The following IGFBPL1 variants were observed in gnomAD, a reference collection of about 807,000 sequenced individuals.
IGFBPL1 encodes insulin like growth factor binding protein like 1.
Under a neutral mutation model 23.9 loss-of-function variants are expected in IGFBPL1, and 20 were observed. That is an observed-to-expected ratio of 0.84 (90% CI 0.59 to 1.22). The LOEUF (loss-of-function observed/expected upper bound fraction) is 1.22, where lower values mean the gene tolerates loss of function less well. IGFBPL1 is among the 50% of genes most tolerant of loss of function. IGFBPL1 has a pLI of 0.00. For synonymous variants in IGFBPL1, 184 were observed against 171.8 expected, an observed-to-expected ratio of 1.07 and a Z score of -0.56; for missense variants, 436 against 379.3, an observed-to-expected ratio of 1.15 and a Z score of -1.24.
chr9:38,411,606 C>A, intron 3 of IGFBPL1, 57 bp from the exon 4 acceptor site: 1 of 1,437,422 alleles, frequency 7.0e-7, no homozygotes, highest in Non-Finnish European at 9.8e-7. Context: ...AAATGACTTC[C>A]TTAGTTAGTT....
At chr9:38,411,321 G>A (rs1311051711) in intron 4 of IGFBPL1, 70 bp downstream of exon 4, 1 of 1,339,576 alleles carries the variant, frequency 7.5e-7, no homozygotes, top group Admixed American at 2.3e-5. Context: ...TTTTTTTACA[G>A]GTCTTATAAG....
intron 1 of IGFBPL1, among the ~76,000 whole-genome samples, chr9:38,423,754 C>T (rs1300454128): frequency 6.6e-6 from 1 of 152,168 alleles, no homozygotes. Flanking sequence ...GCAGGCTCAC[C>T]AAAAATTCGA....
chr9:38,411,245 T>C, intron 4 of IGFBPL1, 146 bp downstream of exon 4: 2 of 647,280 alleles, frequency 3.1e-6, no homozygotes, highest in South Asian at 4.1e-5. Flanking sequence ...CTACTGCTCA[T>C]CTAAGTATGT....
chr9:38,421,613 T>G (rs1283880660), intron 1 of IGFBPL1, among the ~76,000 whole-genome samples: 1 of 152,170 alleles, frequency 6.6e-6, no homozygotes, highest in Non-Finnish European at 1.5e-5. Context: ...AGAACAGCCC[T>G]GCTCTGACTC....
intron 1 of IGFBPL1, among the ~76,000 whole-genome samples, chr9:38,422,707 A>G (rs758392273): frequency 6.6e-6 from 1 of 152,140 alleles, no homozygotes; most frequent in Non-Finnish European, 1.5e-5. Flanking sequence ...GGAACAGCCA[A>G]TGGTGACTTT....
chr9:38,422,317 A>G (rs1821691013), intron 1 of IGFBPL1, among the ~76,000 whole-genome samples: 1 of 152,188 alleles, frequency 6.6e-6, no homozygotes, highest in Non-Finnish European at 1.5e-5. Context: ...TAGGAAGAGA[A>G]TGCCACTCTG....
intron 1 of IGFBPL1, among the ~76,000 whole-genome samples, chr9:38,418,078 C>T (rs1020160174): frequency 1.3e-5 from 2 of 152,184 alleles, no homozygotes; most frequent in African/African-American, 4.8e-5. Flanking sequence ...TGAAACACCC[C>T]AAACATCACC....
rs1253436656 is a variant in IGFBPL1, at chr9:38,424,368, C to T, written c.57G>A (p.Leu19=). The change falls in exon 1 of 5, where the codon CTG becomes CTA. Residue 19 remains leucine (L), a synonymous_variant. Transcript: ENST00000377694. The stretch of plus-strand genomic sequence containing the variant: ...TCCCAAGGCTCGGGGACAGCGGCGG[C>T]AGCAGCGGCAGCAGCAGCAGAAGCA... ...PLLLLLLLPL[L]PPLSPSLGIR... The T allele has an allele frequency of 1.5e-6, 1 of 685,342 alleles. No individual in the cohort carries two copies. The highest frequency in any genetic ancestry group is 3.5e-5 in the East Asian group (1 of 28,216). 42.5% of individuals were successfully genotyped at this position (685,342 alleles called of 1,614,324 possible).
rs1310741657 is a variant in IGFBPL1 at position 38,408,146 on chromosome 9, G to A, written c.*1081C>T. On this transcript the variant is annotated 3_prime_UTR_variant, in exon 5 of 5. Coordinates refer to ENST00000377694, the MANE Select transcript of IGFBPL1 (RefSeq NM_001007563.3). The stretch of plus-strand genomic sequence containing the variant: ...ATGCTAGGCTAGGCCAAGCACAGTG[G>A]CTGATGCCTATAATCCCAGCACTTT... Among the ~76,000 whole-genome samples the A allele has an allele frequency of 5.3e-5, 8 of 150,212 alleles. No individual in the cohort carries two copies. The highest frequency in any genetic ancestry group is 8.9e-5 in the Non-Finnish European group (6 of 67,772).
chr9:38,423,279 A>G (rs2118330859), intron 1 of IGFBPL1, among the ~76,000 whole-genome samples: 1 of 152,316 alleles, frequency 6.6e-6, no homozygotes, highest in South Asian at 2.1e-4. Flanking sequence ...ATAAGTTTCT[A>G]AGTCCCTAGC....
intron 1 of IGFBPL1, among the ~76,000 whole-genome samples, chr9:38,415,817 G>A (rs989119110): frequency 2.6e-5 from 4 of 152,054 alleles, no homozygotes; most frequent in African/African-American, 9.7e-5. Context: ...TAGCCCCTGG[G>A]TGTCCCAGCA....
intron 1 of IGFBPL1, among the ~76,000 whole-genome samples, chr9:38,418,971 T>C (rs541090403): frequency 6.6e-6 from 1 of 152,290 alleles, no homozygotes; most frequent in East Asian, 1.9e-4. Context: ...ATGAAGATGA[T>C]GACCGCAGCC....
At chr9:38,420,269 G>A (rs1264265973) in intron 1 of IGFBPL1, among the ~76,000 whole-genome samples, 1 of 152,160 alleles carries the variant, frequency 6.6e-6, no homozygotes, top group Non-Finnish European at 1.5e-5. Context: ...TCGGCCCTAT[G>A]GGCCCACTTG....
At chr9:38,416,828 C>T (rs1284068761) in intron 1 of IGFBPL1, among the ~76,000 whole-genome samples, 1 of 151,674 alleles carries the variant, frequency 6.6e-6, no homozygotes, top group African/African-American at 2.4e-5. Flanking sequence ...GCATGCACTA[C>T]CACGCCCAGA....
intron 4 of IGFBPL1, among the ~76,000 whole-genome samples, chr9:38,410,955 G>A (rs1247229373): frequency 6.6e-6 from 1 of 152,244 alleles, no homozygotes; most frequent in Non-Finnish European, 1.5e-5. Context: ...TGAGCCCCAG[G>A]AAGGAAGCTC....
chr9:38,409,494 C>T (rs1375599516), intron 4 of IGFBPL1, among the ~76,000 whole-genome samples: 1 of 152,042 alleles, frequency 6.6e-6, no homozygotes, highest in East Asian at 1.9e-4. Context: ...GCTCTGTATC[C>T]CTGGAGGTAT....
Position 38,414,095 on chromosome 9 carries a change from T to C in IGFBPL1, c.569A>G (p.Lys190Arg). The C allele has an allele frequency of 6.3e-7, 1 of 1,582,650 alleles. No homozygotes were observed. The highest frequency in any genetic ancestry group is 1.7e-4 in the Middle Eastern group (1 of 6,006). The part of the protein sequence containing the change: ...AVPTPVITWR[K>R]VTKSPEGTQA... ...GCATGAGTTCTTGGACAGAAATACC[T>C]TTCTCCACGTGATGACTGGGGTAGG... Residue 190 changes from lysine to arginine, a missense_variant and splice_region_variant, in exon 2 of 5, where the codon AAG (lysine) becomes AGG (arginine). Coordinates refer to ENST00000377694, the MANE Select transcript of IGFBPL1 (RefSeq NM_001007563.3).
chr9:38,410,903 T>C (rs1288108944), intron 4 of IGFBPL1, among the ~76,000 whole-genome samples: 1 of 152,146 alleles, frequency 6.6e-6, no homozygotes, highest in African/African-American at 2.4e-5. Flanking sequence ...AGGAGATGTG[T>C]TGCAAAGCAG....
At chr9:38,419,326 C>T (rs568225123) in intron 1 of IGFBPL1, among the ~76,000 whole-genome samples, 1 of 152,136 alleles carries the variant, frequency 6.6e-6, no homozygotes, top group African/African-American at 2.4e-5. Flanking sequence ...GAACAAGAAA[C>T]AGCTTAATCC....
Sources: gnomAD v4.1 joint callset for allele counts (sites outside exome capture counted in the v4.1 genomes callset) on GRCh38, gnomAD v4.1.1 for gene constraint, MANE v1.5 for transcripts, NCBI Gene and HGNC (gene_info 2026-07-23, HGNC 2026-07-21) for gene names.